The following SOX6 variants were observed in gnomAD, a reference collection of about 807,000 sequenced individuals.
SOX6 encodes transcription factor SOX-6.
A neutral mutation model predicts 97.8 loss-of-function variants in SOX6; 11 were observed. The ratio of observed to expected loss-of-function variants is 0.11; its 90% CI spans 0.07 to 0.19. The LOEUF is 0.19. Among genes scored for constraint, SOX6 ranks in the 10% least tolerant of loss-of-function variants. The probability of loss-of-function intolerance (pLI) is 1.00; values close to 1 mark genes in which losing one functional copy is unlikely to be tolerated. For synonymous variants in SOX6, 360 were observed against 371.4 expected (o/e 0.97, Z 0.35); for missense variants, 810 against 1,039.5 (o/e 0.78, Z 3.04).
At chr11:16,240,339 T>C (rs970590758) in intron 3 of SOX6, among the ~76,000 whole-genome samples, 1 of 148,084 alleles carries the variant, frequency 6.8e-6, no homozygotes, top group African/African-American at 2.5e-5. Flanking sequence ...ATTGGAAATG[T>C]AATTAGAACT....
chr11:16,543,935 A>G lies in SOX6; in HGVS notation n.610-67547T>C, dbSNP rs116769329. 7.6e-3 allele frequency among the ~76,000 whole-genome samples: 1,153 copies of G among 152,336 alleles called. 11 individuals carry two copies. Among genetic ancestry groups the G allele is most frequent in the African/African-American group, 0.027 (1,119 of 41,582 alleles). Reference sequence around the variant, plus strand: ...ACCATAAACATATATACAAATATTCATGGAAGCACTATTCACAATAACTAA... The same window carrying G: ...ACCATAAACATATATACAAATATTCGTGGAAGCACTATTCACAATAACTAA... On this transcript the variant is annotated intron_variant and non_coding_transcript_variant, in intron 4 of 5. Coordinates refer to the SOX6 transcript ENST00000524520.
chr11:16,431,178 A>G (rs1859265574), intron 1 of SOX6, among the ~76,000 whole-genome samples: 1 of 152,112 alleles, frequency 6.6e-6, no homozygotes, highest in Admixed American at 6.6e-5. Context: ...ATAAAATAGC[A>G]AACTCCTCAC....
At chr11:16,349,695 AGGAAGGAAGGAAGGAAGGAAGAAGGAAG>A (rs1158410208) in intron 1 of SOX6, among the ~76,000 whole-genome samples, 1 of 53,282 alleles carries the variant, frequency 1.9e-5, no homozygotes, top group Admixed American at 1.9e-4. Flanking sequence ...GAAGGAAGGA[AGGAAGGAAGGAAGGAAGGAAGAAGGAAG>A]GAAGGAAGGA....
chr11:16,222,098 T>G (rs1270473812), intron 4 of SOX6, among the ~76,000 whole-genome samples: 1 of 152,094 alleles, frequency 6.6e-6, no homozygotes, highest in Admixed American at 6.6e-5. Flanking sequence ...AATCAAAAAT[T>G]TATCAAAGCC....
intron 4 of SOX6, among the ~76,000 whole-genome samples, chr11:16,571,849 C>T (rs569792916): frequency 1.2e-4 from 19 of 152,218 alleles, no homozygotes; most frequent in Admixed American, 1.0e-3. Flanking sequence ...GACAGGGTTT[C>T]GCCATGTTGG....
chr11:16,013,745 G>A (rs1854802279), intron 13 of SOX6, among the ~76,000 whole-genome samples: 2 of 150,174 alleles, frequency 1.3e-5, no homozygotes, highest in Non-Finnish European at 3.0e-5. Context: ...CTACTAGTAT[G>A]AAAAATTAGC....
Position 16,299,862 on chromosome 11 carries a change from T to G in SOX6, c.445+18584A>C, listed in dbSNP as rs555508225. Among the ~76,000 whole-genome samples, 33 of 152,282 alleles carry G rather than the reference T, an allele frequency of 2.2e-4. No homozygotes were observed. The South Asian group carries it at 6.6e-3, about 31-fold the overall frequency. On this transcript the variant is annotated intron_variant, in intron 3 of 15. Coordinates refer to ENST00000683767, the MANE Select transcript of SOX6 (RefSeq NM_001367873.1). ...CACCATAAAAAGGAATACTTTCTTT[T>G]AAAAAAATCCAAAATAATTAATTAT...
intron 4 of SOX6, among the ~76,000 whole-genome samples, chr11:16,578,389 T>C (rs1448998493): frequency 1.3e-5 from 2 of 152,172 alleles, no homozygotes; most frequent in Non-Finnish European, 2.9e-5. Context: ...CTTTACTACT[T>C]AGCAATTGAA....
intron 12 of SOX6, among the ~76,000 whole-genome samples, chr11:16,019,831 G>A (rs1049742239): frequency 6.6e-6 from 1 of 152,002 alleles, no homozygotes; most frequent in Admixed American, 6.6e-5. Flanking sequence ...TATTCCTGAC[G>A]CAGAATTTTC....
intron 6 of SOX6, among the ~76,000 whole-genome samples, chr11:16,142,246 T>C (rs1028592374): frequency 1.3e-5 from 2 of 152,164 alleles, no homozygotes; most frequent in African/African-American, 4.8e-5. Context: ...AAATAGGGTC[T>C]GGAGTGGACC....
chr11:16,315,661 T>C (rs1855739224), intron 3 of SOX6: 1 of 152,202 alleles, frequency 6.6e-6, no homozygotes, highest in African/African-American at 2.4e-5. Context: ...GTTGGTCTTA[T>C]CAGCCATAAT....
intron 3 of SOX6, among the ~76,000 whole-genome samples, chr11:16,683,878 C>G (rs550387655): frequency 2.0e-5 from 3 of 150,704 alleles, no homozygotes; most frequent in Non-Finnish European, 4.4e-5. Context: ...AGAACTTAAA[C>G]AAATTTACAA....
chr11:16,399,155 A>G (rs1401524974), intron 1 of SOX6, among the ~76,000 whole-genome samples: 1 of 151,242 alleles, frequency 6.6e-6, no homozygotes, highest in Non-Finnish European at 1.5e-5. Flanking sequence ...AATATAATAA[A>G]CCAGGTCTGT....
At chr11:16,564,606 A>G (rs955675536) in intron 4 of SOX6, among the ~76,000 whole-genome samples, 1 of 152,132 alleles carries the variant, frequency 6.6e-6, no homozygotes, top group Non-Finnish European at 1.5e-5. Flanking sequence ...GAAATCATAC[A>G]GAGCATGTTC....
chr11:16,287,762 A>G (rs1462917367), intron 3 of SOX6, among the ~76,000 whole-genome samples: 1 of 152,042 alleles, frequency 6.6e-6, no homozygotes, highest in Non-Finnish European at 1.5e-5. Context: ...AGACCCAGAG[A>G]ATTCCTGGTA....
chr11:16,025,586 G>T (rs1855195216), intron 12 of SOX6, among the ~76,000 whole-genome samples: 1 of 152,156 alleles, frequency 6.6e-6, no homozygotes, highest in Non-Finnish European at 1.5e-5. Flanking sequence ...TTTATAATGT[G>T]TACTTTTTAG....
At chr11:16,424,221 A>G (rs1180872354) in intron 1 of SOX6, among the ~76,000 whole-genome samples, 4 of 152,246 alleles carry the variant, frequency 2.6e-5, no homozygotes, top group Non-Finnish European at 5.9e-5. Flanking sequence ...AGGATATTTC[A>G]AGGGTTACCA....
intron 9 of SOX6, among the ~76,000 whole-genome samples, chr11:16,089,737 C>T (rs562280090): frequency 1.4e-4 from 21 of 152,050 alleles, no homozygotes; most frequent in Non-Finnish European, 2.2e-4. Context: ...CCAACTGTAG[C>T]TTCTCAATCT....
chr11:16,695,427 C>G (rs543876045), intron 3 of SOX6, among the ~76,000 whole-genome samples: 1 of 152,190 alleles, frequency 6.6e-6, no homozygotes, highest in East Asian at 1.9e-4. Flanking sequence ...GAATAAAATA[C>G]AGAAAAATGA....
Sources: gnomAD v4.1 joint callset for allele counts (sites outside exome capture counted in the v4.1 genomes callset) on GRCh38, gnomAD v4.1.1 for gene constraint, MANE v1.5 for transcripts, NCBI Gene and HGNC (gene_info 2026-07-23, HGNC 2026-07-21) for gene names.